LRRC4C: variants seen among roughly 807,000 people sequenced by gnomAD.
LRRC4C encodes the protein leucine-rich repeat-containing protein 4C.
In LRRC4C, 5 loss-of-function variants were observed where a neutral mutation model predicts 33.6. The observed-to-expected ratio is 0.15, with a 90% confidence interval of 0.08 to 0.31. The LOEUF is 0.31. Among genes scored for constraint, LRRC4C ranks in the 10% least tolerant of loss-of-function variants. The probability of loss-of-function intolerance (pLI) is 1.00; values close to 1 mark genes in which losing one functional copy is unlikely to be tolerated. For synonymous variants in LRRC4C, 329 were observed against 302.0 expected, an observed-to-expected ratio of 1.09 and a Z score of -0.93; for missense variants, 560 against 796.7, an observed-to-expected ratio of 0.70 and a Z score of 3.58.
At chr11:40,495,848 T>G (rs1460476819) in intron 3 of LRRC4C, among the ~76,000 whole-genome samples, 4 of 121,054 alleles carry the variant, frequency 3.3e-5, no homozygotes, top group South Asian at 2.9e-4. Flanking sequence ...TTTTTTTTTT[T>G]TGAGAGAGTC....
chr11:40,631,887 C>G (rs1158345929), intron 3 of LRRC4C, among the ~76,000 whole-genome samples: 1 of 152,096 alleles, frequency 6.6e-6, no homozygotes, highest in Non-Finnish European at 1.5e-5. Flanking sequence ...ATTATAATTG[C>G]TAGTATAATT....
intron 2 of LRRC4C, among the ~76,000 whole-genome samples, chr11:40,687,624 C>T (rs1945024923): frequency 6.6e-6 from 1 of 152,032 alleles, no homozygotes; most frequent in South Asian, 2.1e-4. Flanking sequence ...AGCTAAAACT[C>T]CAATTGTACA....
At chr11:41,440,244 G>A (rs1955570554) in intron 1 of LRRC4C, among the ~76,000 whole-genome samples, 3 of 152,026 alleles carry the variant, frequency 2.0e-5, no homozygotes, top group Admixed American at 1.3e-4. Context: ...AGCTATCTAT[G>A]ATTAATATTT....
intron 1 of LRRC4C, among the ~76,000 whole-genome samples, chr11:41,285,725 A>T (rs2136965407): frequency 6.6e-6 from 1 of 152,258 alleles, no homozygotes; most frequent in African/African-American, 2.4e-5. Context: ...TACATATTTA[A>T]AGTGTGTTAC....
intron 6 of LRRC4C, among the ~76,000 whole-genome samples, chr11:40,117,097 A>G (rs2134603727): frequency 6.6e-6 from 1 of 152,336 alleles, no homozygotes; most frequent in South Asian, 2.1e-4. Flanking sequence ...TCAAGAAGTC[A>G]CATGTTTAGT....
chr11:40,210,197 G>T (rs1863482642), intron 5 of LRRC4C, among the ~76,000 whole-genome samples: 1 of 151,858 alleles, frequency 6.6e-6, no homozygotes, highest in Non-Finnish European at 1.5e-5. Context: ...GAACCCAGGA[G>T]GCGGAGCTTG....
At chr11:40,325,228 T>C (rs181883664) in intron 3 of LRRC4C, among the ~76,000 whole-genome samples, 1 of 152,222 alleles carries the variant, frequency 6.6e-6, no homozygotes, top group Non-Finnish European at 1.5e-5. Flanking sequence ...TCTGAAGTGA[T>C]CTTAATGTTA....
intron 4 of LRRC4C, among the ~76,000 whole-genome samples, chr11:40,315,792 G>T (rs1945546508): frequency 6.6e-6 from 1 of 151,892 alleles, no homozygotes. Context: ...CTCTGACAGG[G>T]TTACACCAAA....
chr11:40,663,659 ACAGG>A (rs1232922573), intron 2 of LRRC4C, among the ~76,000 whole-genome samples: 1 of 152,202 alleles, frequency 6.6e-6, no homozygotes, highest in Non-Finnish European at 1.5e-5. Context: ...CTAAATAGAA[ACAGG>A]CAAAAGGCTC....
chr11:40,450,030 T>G (rs1036381952), intron 3 of LRRC4C, among the ~76,000 whole-genome samples: 1 of 152,170 alleles, frequency 6.6e-6, no homozygotes, highest in Non-Finnish European at 1.5e-5. Context: ...AGGTAGTATT[T>G]TTTTAATGCT....
chr11:41,065,563 G>A (rs189475092), intron 1 of LRRC4C, among the ~76,000 whole-genome samples: 1 of 152,318 alleles, frequency 6.6e-6, no homozygotes, highest in Non-Finnish European at 1.5e-5. Flanking sequence ...CACCAGCTCT[G>A]CTAAGGGACA....
At chr11:41,228,490 T>C (rs1947641976) in intron 1 of LRRC4C, among the ~76,000 whole-genome samples, 1 of 152,168 alleles carries the variant, frequency 6.6e-6, no homozygotes, top group South Asian at 2.1e-4. Context: ...CATTCTAATT[T>C]CCATTCCTTT....
intron 3 of LRRC4C, among the ~76,000 whole-genome samples, chr11:40,630,286 C>A (rs1963339025): frequency 6.6e-6 from 1 of 151,926 alleles, no homozygotes; most frequent in Non-Finnish European, 1.5e-5. Flanking sequence ...AGATGCAGAA[C>A]TTTAATACAG....
At chr11:41,419,188 G>A (rs777826051) in intron 1 of LRRC4C, among the ~76,000 whole-genome samples, 2 of 151,840 alleles carry the variant, frequency 1.3e-5, no homozygotes, top group Non-Finnish European at 2.9e-5. Flanking sequence ...GTAACTAAGA[G>A]GTTGCGCCTC....
intron 3 of LRRC4C, among the ~76,000 whole-genome samples, chr11:40,530,207 A>G (rs939507797): frequency 1.3e-5 from 2 of 152,068 alleles, no homozygotes; most frequent in Admixed American, 6.6e-5. Context: ...TAGAACTCTA[A>G]AATTATGATT....
intron 1 of LRRC4C, among the ~76,000 whole-genome samples, chr11:41,401,455 A>C (rs980204131): frequency 6.9e-6 from 1 of 143,940 alleles, no homozygotes; most frequent in Non-Finnish European, 1.6e-5. Context: ...CTGAATGTTA[A>C]GTTTACAAGC....
intron 1 of LRRC4C, among the ~76,000 whole-genome samples, chr11:41,328,244 A>G (rs1951183802): frequency 6.6e-6 from 1 of 152,230 alleles, no homozygotes; most frequent in African/African-American, 2.4e-5. Flanking sequence ...ACACACTGCA[A>G]AGGCAGTAAA....
At chr11:40,566,086 G>GTTTTTTTTTTTTTTTTTTTTTTTTATT in intron 3 of LRRC4C, among the ~76,000 whole-genome samples, 3 of 62,790 alleles carry the variant, frequency 4.8e-5, no homozygotes, top group East Asian at 6.4e-4. Context: ...TTTTTACTAA[G>GTTTTTTTTTTTTTTTTTTTTTTTTATT]TTTTTTTTTT....
intron 2 of LRRC4C, among the ~76,000 whole-genome samples, chr11:40,688,698 G>T (rs1369444039): frequency 3.9e-5 from 6 of 152,048 alleles, no homozygotes; most frequent in African/African-American, 1.4e-4. Context: ...CTTTTTACAA[G>T]AAATGACACG....
Sources: gnomAD v4.1 joint callset for allele counts (sites outside exome capture counted in the v4.1 genomes callset) on GRCh38, gnomAD v4.1.1 for gene constraint, MANE v1.5 for transcripts, NCBI Gene and HGNC (gene_info 2026-07-23, HGNC 2026-07-21) for gene names.